DACH1: variants seen among roughly 807,000 people sequenced by gnomAD.
DACH1 encodes dachshund family transcription factor 1, also known as dachshund homolog 1.
Under a neutral mutation model 54.2 loss-of-function variants are expected in DACH1, and 12 were observed. The observed-to-expected ratio is 0.22, with a 90% confidence interval of 0.14 to 0.36. The LOEUF (loss-of-function observed/expected upper bound fraction) is 0.36. Ranked by LOEUF, DACH1 falls within the 10% of genes least tolerant of loss-of-function variation. DACH1 has a pLI of 1.00. For synonymous variants in DACH1, 386 were observed against 366.2 expected (o/e 1.05, Z -0.62); for missense variants, 805 against 929.8 (o/e 0.87, Z 1.75).
At chr13:71,779,313 A>T (rs116594504) in intron 1 of DACH1, among the ~76,000 whole-genome samples, 1 of 145,884 alleles carries the variant, frequency 6.9e-6, no homozygotes, top group Admixed American at 6.9e-5. Context: ...ATTTATATAC[A>T]TATATATATA....
rs1301249694 is a variant in DACH1, at chr13:71,834,797, C to T, written c.848+31125G>A. Among the ~76,000 whole-genome samples the T allele has an allele frequency of 4.6e-5, 7 of 152,106 alleles. No individual in the cohort carries two copies. The East Asian group carries it at 1.4e-3, about 29-fold the overall frequency. ...CATTTGAGATCAAAGAAATCATGTG[C>T]ACATTTTTGCATTGGGAATCAGAGA... On this transcript the variant is annotated intron_variant, in intron 1 of 10. Transcript: ENST00000613252.
intron 1 of DACH1, among the ~76,000 whole-genome samples, chr13:71,767,148 ACT>A (rs937853225): frequency 5.3e-5 from 8 of 152,084 alleles, no homozygotes; most frequent in South Asian, 2.1e-4. Flanking sequence ...TATATTTAAC[ACT>A]GTTTATCAAT....
At chr13:71,773,819 T>C (rs578229864) in intron 1 of DACH1, among the ~76,000 whole-genome samples, 2 of 152,152 alleles carry the variant, frequency 1.3e-5, no homozygotes, top group South Asian at 4.1e-4. Context: ...TGAGAATATA[T>C]CTTTGGAGTA....
chr13:71,661,796 C>T (rs1173645032), intron 2 of DACH1, among the ~76,000 whole-genome samples: 1 of 151,892 alleles, frequency 6.6e-6, no homozygotes, highest in Non-Finnish European at 1.5e-5. Flanking sequence ...GATTTCCATG[C>T]AATATGGTCC....
At chr13:71,591,240 A>G (rs1207821021) in intron 3 of DACH1, among the ~76,000 whole-genome samples, 1 of 151,980 alleles carries the variant, frequency 6.6e-6, no homozygotes, top group Non-Finnish European at 1.5e-5. Context: ...TCCACTGACT[A>G]TAAGCAATTT....
chr13:71,612,573 T>C (rs1875413549), intron 3 of DACH1, among the ~76,000 whole-genome samples: 1 of 152,156 alleles, frequency 6.6e-6, no homozygotes, highest in Non-Finnish European at 1.5e-5. Context: ...TTACACGACC[T>C]TAAAAGTCAC....
intron 1 of DACH1, among the ~76,000 whole-genome samples, chr13:71,744,761 C>CA (rs752538127): frequency 2.4e-4 from 36 of 152,134 alleles, no homozygotes; most frequent in Admixed American, 3.9e-4. Flanking sequence ...AGAATCCATA[C>CA]AAAAAGGAAA....
At chr13:71,446,350 T>G (rs1874464608) in intron 10 of DACH1, among the ~76,000 whole-genome samples, 1 of 152,202 alleles carries the variant, frequency 6.6e-6, no homozygotes, top group Admixed American at 6.6e-5. Flanking sequence ...CCTCGATATC[T>G]CAAATGGATG....
intron 1 of DACH1, among the ~76,000 whole-genome samples, chr13:71,797,044 G>A (rs887469711): frequency 2.6e-5 from 4 of 151,216 alleles, no homozygotes; most frequent in Non-Finnish European, 4.4e-5. Flanking sequence ...TAATCCTCTC[G>A]TATGTGTCAA....
intron 1 of DACH1, among the ~76,000 whole-genome samples, chr13:71,826,500 G>A (rs999845455): frequency 3.3e-5 from 5 of 151,862 alleles, no homozygotes; most frequent in Non-Finnish European, 7.4e-5. Context: ...GCATTCCTAG[G>A]AACATCTATA....
At chr13:71,786,575 AT>A (rs1886600156) in intron 1 of DACH1, among the ~76,000 whole-genome samples, 1 of 152,194 alleles carries the variant, frequency 6.6e-6, no homozygotes, top group Non-Finnish European at 1.5e-5. Flanking sequence ...AATGGCATAC[AT>A]TTCAGTATTT....
chr13:71,758,858 G>A (rs1274316455), intron 1 of DACH1, among the ~76,000 whole-genome samples: 2 of 151,760 alleles, frequency 1.3e-5, no homozygotes, highest in Non-Finnish European at 2.9e-5. Context: ...TTTGAAGAAA[G>A]TTATTATGTA....
chr13:71,804,016 C>T (rs566185454), intron 1 of DACH1, among the ~76,000 whole-genome samples: 1 of 152,178 alleles, frequency 6.6e-6, no homozygotes, highest in East Asian at 1.9e-4. Context: ...TTTATTTCCC[C>T]TTTAAAAATA....
intron 4 of DACH1, among the ~76,000 whole-genome samples, chr13:71,565,694 A>G (rs1884855973): frequency 6.6e-6 from 1 of 152,176 alleles, no homozygotes; most frequent in African/African-American, 2.4e-5. Context: ...AACTTTGATT[A>G]TGGAACTCCA....
chr13:71,574,420 AG>A (rs1456609292), intron 3 of DACH1, among the ~76,000 whole-genome samples: 1 of 152,126 alleles, frequency 6.6e-6, no homozygotes, highest in African/African-American at 2.4e-5. Context: ...TCTTAAAAAA[AG>A]AAACCATATT....
intron 7 of DACH1, among the ~76,000 whole-genome samples, chr13:71,481,822 A>G (rs1878057895): frequency 6.6e-6 from 1 of 152,218 alleles, no homozygotes; most frequent in Non-Finnish European, 1.5e-5. Flanking sequence ...ACAAATCTTT[A>G]GGACACCATT....
chr13:71,737,664 C>T (rs1884199856), intron 1 of DACH1, among the ~76,000 whole-genome samples: 1 of 152,042 alleles, frequency 6.6e-6, no homozygotes, highest in African/African-American at 2.4e-5. Flanking sequence ...TATAGTTTGG[C>T]TTCAAACATA....
intron 3 of DACH1, among the ~76,000 whole-genome samples, chr13:71,588,666 TA>T (rs1314879704): frequency 6.6e-6 from 1 of 151,982 alleles, no homozygotes. Context: ...CAATTTTTTG[TA>T]AAAAACAACA....
At chr13:71,628,165 C>T (rs1439186432) in intron 3 of DACH1, among the ~76,000 whole-genome samples, 2 of 151,942 alleles carry the variant, frequency 1.3e-5, no homozygotes, top group East Asian at 3.9e-4. Context: ...AGGCATTGTC[C>T]TCAGAACCAG....
Sources: gnomAD v4.1 joint callset for allele counts (sites outside exome capture counted in the v4.1 genomes callset) on GRCh38, gnomAD v4.1.1 for gene constraint, MANE v1.5 for transcripts, NCBI Gene and HGNC (gene_info 2026-07-23, HGNC 2026-07-21) for gene names.